NYAP2: variants seen among roughly 807,000 people sequenced by gnomAD.
NYAP2 encodes neuronal tyrosine-phosphorylated phosphoinositide-3-kinase adaptor 2, also known as neuronal tyrosine-phosphorylated phosphoinositide-3-kinase adapter 2.
A neutral mutation model predicts 50.4 loss-of-function variants in NYAP2; 23 were observed. That is an observed-to-expected ratio of 0.46 (90% CI 0.33 to 0.65). NYAP2 has a LOEUF of 0.65. NYAP2 is among the 30% of genes least tolerant of loss of function. NYAP2 has a pLI of 0.02. For synonymous variants in NYAP2, 394 were observed against 365.2 expected (o/e 1.08, Z -0.90); for missense variants, 885 against 861.0 (o/e 1.03, Z -0.35).
chr2:225,415,837 G>C (rs1022608388), intron 3 of NYAP2, among the ~76,000 whole-genome samples: 1 of 151,932 alleles, frequency 6.6e-6, no homozygotes, highest in African/African-American at 2.4e-5. Flanking sequence ...TACTCTACAG[G>C]TAGCACAGAA....
At chr2:225,517,726 G>A (rs1690961260) in intron 4 of NYAP2, among the ~76,000 whole-genome samples, 1 of 152,030 alleles carries the variant, frequency 6.6e-6, no homozygotes, top group African/African-American at 2.4e-5. Context: ...TGAAATTTTG[G>A]TCTGGTATAG....
At chr2:225,621,596 TA>T (rs1693104666) in intron 5 of NYAP2, among the ~76,000 whole-genome samples, 1 of 152,170 alleles carries the variant, frequency 6.6e-6, no homozygotes, top group Non-Finnish European at 1.5e-5. Context: ...ACTATGCACT[TA>T]AAAATAGCTA....
chr2:225,673,268 G>A, the NYAP2 span, among the ~76,000 whole-genome samples: 1 of 151,944 alleles, frequency 6.6e-6, no homozygotes, highest in Non-Finnish European at 1.5e-5. Context: ...CACAACACAT[G>A]GAAATTCAAG....
At chr2:225,663,270 G>A in the NYAP2 span, among the ~76,000 whole-genome samples, 6 of 152,104 alleles carry the variant, frequency 3.9e-5, no homozygotes, top group Non-Finnish European at 5.9e-5. Context: ...TTGATCACAG[G>A]TTTAGCATCT....
intron 5 of NYAP2, among the ~76,000 whole-genome samples, chr2:225,613,923 A>G (rs574460711): frequency 6.6e-6 from 1 of 152,208 alleles, no homozygotes; most frequent in Non-Finnish European, 1.5e-5. Context: ...TCCGAAATGT[A>G]AAGTGAAGGT....
At chr2:225,656,715 G>T (rs988782858), downstream of NYAP2, among the ~76,000 whole-genome samples, 1 of 152,096 alleles carries the variant, frequency 6.6e-6, no homozygotes, top group Admixed American at 6.5e-5. Flanking sequence ...ATAGGGATGT[G>T]GGGTCAGTAC....
chr2:225,514,292 G>T (rs889105606), intron 4 of NYAP2, among the ~76,000 whole-genome samples: 11 of 152,210 alleles, frequency 7.2e-5, no homozygotes, highest in Admixed American at 2.0e-4. Context: ...AGCTCTTTAG[G>T]CCTTACTGAA....
intron 2 of NYAP2, among the ~76,000 whole-genome samples, 155 bp downstream of exon 2, chr2:225,401,198 C>T (rs1249662927): frequency 6.6e-6 from 1 of 152,036 alleles, no homozygotes; most frequent in Non-Finnish European, 1.5e-5. Flanking sequence ...AATAAAGCCA[C>T]AGTGAAGGCA....
At chr2:225,703,034 G>A in the NYAP2 span, 1 of 151,600 alleles carries the variant, frequency 6.6e-6, no homozygotes, top group Non-Finnish European at 1.5e-5. Context: ...CATTTATAGT[G>A]TAGCAACTTG....
intron 3 of NYAP2, among the ~76,000 whole-genome samples, chr2:225,508,462 T>C (rs1690750040): frequency 6.6e-6 from 1 of 152,166 alleles, no homozygotes; most frequent in Non-Finnish European, 1.5e-5. Context: ...TTCCCAAGTA[T>C]GTCAGTTCAG....
At chr2:225,572,135 C>T (rs1030210915) in intron 4 of NYAP2, among the ~76,000 whole-genome samples, 12 of 152,326 alleles carry the variant, frequency 7.9e-5, no homozygotes, top group African/African-American at 2.9e-4. Flanking sequence ...CAAAACCATT[C>T]AACAAGTCTC....
the NYAP2 span, among the ~76,000 whole-genome samples, chr2:225,661,055 A>G: frequency 6.6e-6 from 1 of 152,208 alleles, no homozygotes; most frequent in Non-Finnish European, 1.5e-5. Flanking sequence ...TGAAAAGGAA[A>G]AGAACAGAAA....
intron 5 of NYAP2, among the ~76,000 whole-genome samples, chr2:225,602,907 T>C (rs974423582): frequency 2.0e-5 from 3 of 152,178 alleles, no homozygotes; most frequent in Admixed American, 6.5e-5. Flanking sequence ...TGTTCTTCTT[T>C]TTCAAGATTG....
At chr2:225,593,548 C>T (rs1451752739) in intron 5 of NYAP2, among the ~76,000 whole-genome samples, 1 of 152,164 alleles carries the variant, frequency 6.6e-6, no homozygotes, top group Non-Finnish European at 1.5e-5. Context: ...TTTTCTTATG[C>T]TATTGTCTTT....
chr2:225,600,714 C>T (rs948888695), intron 5 of NYAP2, among the ~76,000 whole-genome samples: 2 of 152,176 alleles, frequency 1.3e-5, no homozygotes, highest in African/African-American at 4.8e-5. Flanking sequence ...AAAACTCCAT[C>T]TCATTAAATA....
rs183715548 is a variant in NYAP2 at position 225,565,898 on chromosome 2, C to T, written c.524-16043C>T. Among the ~76,000 whole-genome samples the T allele has an allele frequency of 6.8e-3, 1,003 of 148,588 alleles. 14 individuals carry two copies. The highest frequency in any genetic ancestry group is 0.025 in the African/African-American group (938 of 38,066). On this transcript the variant is annotated intron_variant, in intron 4 of 6. Transcript: ENST00000636099. ...AGAGTATTGGTAGTGTTTTAAAAAACGGTAAAAAAATGCCCTTAACAATAT... is the reference window on the plus strand; with the variant it reads ...AGAGTATTGGTAGTGTTTTAAAAAATGGTAAAAAAATGCCCTTAACAATAT...
At chr2:225,608,576 C>T (rs528523116) in intron 5 of NYAP2, among the ~76,000 whole-genome samples, 1 of 152,242 alleles carries the variant, frequency 6.6e-6, no homozygotes, top group South Asian at 2.1e-4. Context: ...CAGAAACAGG[C>T]TGAACTTATT....
chr2:225,696,552 T>G, the NYAP2 span, among the ~76,000 whole-genome samples: 1 of 151,988 alleles, frequency 6.6e-6, no homozygotes, highest in Non-Finnish European at 1.5e-5. Flanking sequence ...TTTCTAGGTC[T>G]AGGACCTGCC....
At chr2:225,661,987 G>C in the NYAP2 span, among the ~76,000 whole-genome samples, 5 of 152,218 alleles carry the variant, frequency 3.3e-5, no homozygotes, top group Non-Finnish European at 4.4e-5. Context: ...GCCTCCCAAA[G>C]TGCTGGAATT....
Sources: gnomAD v4.1 joint callset for allele counts (sites outside exome capture counted in the v4.1 genomes callset) on GRCh38, gnomAD v4.1.1 for gene constraint, MANE v1.5 for transcripts, NCBI Gene and HGNC (gene_info 2026-07-23, HGNC 2026-07-21) for gene names.